The following CCDC30 variants were observed in gnomAD, a reference collection of about 807,000 sequenced individuals.
CCDC30 encodes coiled-coil domain-containing protein 30.
CCDC30 carries 70 observed loss-of-function variants against 100.2 expected under a neutral mutation model. The observed-to-expected ratio is 0.70, with a 90% CI of 0.58 to 0.85. The LOEUF is 0.85. Ranked by LOEUF, CCDC30 falls within the 40% of genes least tolerant of loss-of-function variation. The pLI is 0.00. For synonymous variants in CCDC30, 233 were observed against 269.5 expected (o/e 0.86, Z 1.33); for missense variants, 652 against 771.2 (o/e 0.85, Z 1.83).
At chr1:42,585,277 T>C (rs774380925) in intron 9 of CCDC30, among the ~76,000 whole-genome samples, 1 of 152,180 alleles carries the variant, frequency 6.6e-6, no homozygotes, top group Non-Finnish European at 1.5e-5. Context: ...GTTTTATTTG[T>C]CAAATAGAGA....
chr1:42,490,230 G>C lies in CCDC30; in HGVS notation c.241+1G>C. On this transcript the variant is annotated splice_donor_variant, in intron 4 of 16. Coordinates refer to ENST00000668663, the Ensembl canonical transcript of CCDC30. LOFTEE classifies it high-confidence loss of function. The stretch of plus-strand genomic sequence containing the variant: ...AATTTGGTAAAGCTGAAAGAAAATG[G>C]TAAGTCATTCTAGAAGATATGATGA... The C allele has an allele frequency of 8.5e-7, 1 of 1,181,994 alleles. No individual in the cohort carries two copies. Among genetic ancestry groups the C allele is most frequent in the Non-Finnish European group, 1.1e-6 (1 of 941,218 alleles). The allele number at this position is 1,181,994 out of a possible 1,614,324, so 73.2% of individuals were successfully genotyped here.
intron 6 of CCDC30, among the ~76,000 whole-genome samples, chr1:42,525,559 T>C (rs1247512103): frequency 2.0e-5 from 3 of 152,244 alleles, no homozygotes; most frequent in Non-Finnish European, 4.4e-5. Context: ...TTCTATTCAC[T>C]GATTTTTTTC....
intron 6 of CCDC30, chr1:42,500,163 T>C: frequency 1.4e-6 from 2 of 1,431,736 alleles, no homozygotes; most frequent in East Asian, 4.6e-5. Context: ...AAGAAGGCAA[T>C]GCTTGTGGAA....
At chr1:42,641,493 G>C (rs917059057) in intron 12 of CCDC30, among the ~76,000 whole-genome samples, 5 of 151,892 alleles carry the variant, frequency 3.3e-5, no homozygotes, top group African/African-American at 1.2e-4. Context: ...TGAGGTTACA[G>C]TGAGCCATGA....
intron 10 of CCDC30, among the ~76,000 whole-genome samples, chr1:42,600,075 A>G (rs1239940631): frequency 6.6e-6 from 1 of 152,064 alleles, no homozygotes; most frequent in Non-Finnish European, 1.5e-5. Flanking sequence ...AACCATTAGA[A>G]ACCACCCCCA....
intron 5 of CCDC30, among the ~76,000 whole-genome samples, 196 bp from the exon 6 acceptor site, chr1:42,498,622 C>T (rs1414838609): frequency 6.6e-6 from 1 of 151,916 alleles, no homozygotes; most frequent in Non-Finnish European, 1.5e-5. Flanking sequence ...GGGTACATTC[C>T]AAGCAGTGTT....
intron 6 of CCDC30, among the ~76,000 whole-genome samples, chr1:42,544,569 C>T (rs576073185): frequency 2.7e-4 from 41 of 152,180 alleles, no homozygotes; most frequent in African/African-American, 9.6e-4. Context: ...GGCTGGAGTG[C>T]GGTGGCCTGA....
At chr1:42,551,779 G>GTGTGTGTGTGTGT (rs1645257920) in intron 6 of CCDC30, among the ~76,000 whole-genome samples, 1 of 149,444 alleles carries the variant, frequency 6.7e-6, no homozygotes, top group African/African-American at 2.5e-5. Context: ...GTGTGTGACT[G>GTGTGTGTGTGTGT]GAACTTGCTG....
At chr1:42,584,072 T>C (rs1257440872) in intron 9 of CCDC30, among the ~76,000 whole-genome samples, 1 of 152,188 alleles carries the variant, frequency 6.6e-6, no homozygotes. Flanking sequence ...GAGCAGCAGA[T>C]ATCTAGCAGT....
At chr1:42,613,502 C>T (rs972279281) in intron 11 of CCDC30, among the ~76,000 whole-genome samples, 2 of 152,168 alleles carry the variant, frequency 1.3e-5, no homozygotes, top group African/African-American at 2.4e-5. Flanking sequence ...GATCCACCCG[C>T]CTCGGCCTCC....
chr1:42,607,215 T>C (rs1646518422), intron 10 of CCDC30, among the ~76,000 whole-genome samples: 1 of 152,182 alleles, frequency 6.6e-6, no homozygotes, highest in Admixed American at 6.5e-5. Flanking sequence ...ATTGCACCTT[T>C]GTACTCTGGC....
the CCDC30 span, chr1:42,456,468 G>A: frequency 7.7e-7 from 1 of 1,292,418 alleles, no homozygotes; most frequent in South Asian, 1.6e-5. Context: ...GTAGTGAACC[G>A]CCCACTCAGT....
intron 7 of CCDC30, among the ~76,000 whole-genome samples, chr1:42,575,794 G>C (rs1354929460): frequency 3.3e-5 from 5 of 152,120 alleles, no homozygotes; most frequent in Admixed American, 1.3e-4. Flanking sequence ...ATGTGGTACA[G>C]TGATGAGTAA....
intron 10 of CCDC30, 23 bp downstream of exon 14, chr1:42,589,506 T>C (rs1432098692): frequency 6.3e-7 from 1 of 1,592,940 alleles, no homozygotes; most frequent in Non-Finnish European, 8.6e-7. Context: ...ATAGACATGC[T>C]TCTCAGTTTT....
At chr1:42,614,989 A>G (rs1646697718) in intron 11 of CCDC30, among the ~76,000 whole-genome samples, 1 of 152,218 alleles carries the variant, frequency 6.6e-6, no homozygotes, top group African/African-American at 2.4e-5. Flanking sequence ...CCCAATGCAC[A>G]CAGCAAGTCA....
Position 42,511,342 on chromosome 1 carries a change from A to G in CCDC30, c.456+12426A>G, listed in dbSNP as rs111242724. ...CCCTCAAAGATGGATCTCAGGAAAT[A>G]CTATGTAATAGTTGCATTTGGACAA... On this transcript the variant is annotated intron_variant, in intron 6 of 16. Transcript: ENST00000668663. Among the ~76,000 whole-genome samples, 907 of 152,306 alleles carry G rather than the reference A, an allele frequency of 6.0e-3. 6 individuals carry two copies. Among genetic ancestry groups the G allele is most frequent in the African/African-American group, 0.02 (846 of 41,564 alleles).
chr1:42,613,625 A>G (rs1646669396), intron 11 of CCDC30, among the ~76,000 whole-genome samples: 2 of 152,174 alleles, frequency 1.3e-5, no homozygotes, highest in East Asian at 1.9e-4. Flanking sequence ...TTTAGTCTAT[A>G]TAGGGTAATT....
At chr1:42,489,950 A>C (rs1283136294) in intron 3 of CCDC30, 2 of 277,126 alleles carry the variant, frequency 7.2e-6, no homozygotes, top group South Asian at 3.4e-4. Flanking sequence ...ACAAGATCAG[A>C]TAATCAGGGA....
At chr1:42,610,949 A>T in intron 10 of CCDC30, 29 bp from the exon 15 acceptor site, 1 of 1,115,314 alleles carries the variant, frequency 9.0e-7, no homozygotes, top group Non-Finnish European at 1.4e-6. Context: ...GTCAGGTCAG[A>T]GTTCTCATTA....
Sources: gnomAD v4.1 joint callset for allele counts (sites outside exome capture counted in the v4.1 genomes callset) on GRCh38, gnomAD v4.1.1 for gene constraint, MANE v1.5 for transcripts, NCBI Gene and HGNC (gene_info 2026-07-23, HGNC 2026-07-21) for gene names.